The following GRM4 variants were observed in gnomAD, a reference collection of about 807,000 sequenced individuals.
GRM4 encodes the protein metabotropic glutamate receptor 4.
A neutral mutation model predicts 81.7 loss-of-function variants in GRM4; 28 were observed. The observed-to-expected ratio is 0.34, with a 90% CI of 0.25 to 0.47. The LOEUF (loss-of-function observed/expected upper bound fraction) is 0.47, where lower values mean the gene tolerates loss of function less well. Ranked by LOEUF, GRM4 falls within the 20% of genes least tolerant of loss-of-function variation. The probability of loss-of-function intolerance (pLI) is 1.00; values close to 1 mark genes in which losing one functional copy is unlikely to be tolerated. For missense variants in GRM4, 948 were observed against 1,290.0 expected (o/e 0.73, Z 4.06); for synonymous variants, 488 against 528.8 (o/e 0.92, Z 1.06).
At chr6:34,097,299 C>G (rs1413188202) in intron 2 of GRM4, among the ~76,000 whole-genome samples, 2 of 151,952 alleles carry the variant, frequency 1.3e-5, no homozygotes, top group African/African-American at 4.8e-5. Flanking sequence ...CCAAGGTGTT[C>G]CAGGCCCAGG....
chr6:34,035,857 C>T lies in GRM4; in HGVS notation c.2253G>A (p.Leu751=). Residue 751 remains leucine (L), a synonymous_variant, in exon 9 of 11, where the codon CTG becomes CTA. Coordinates refer to ENST00000538487, the MANE Select transcript of GRM4 (RefSeq NM_000841.4). The surrounding 1 kb of genome is among the most constrained non-coding windows in gnomAD (Gnocchi z 6.6). ...RGVLKCDISD[L]SLICLLGYSM... ...TGTAGCCCAGCAGGCAGATGAGCGACAGGTCCGAGATGTCACACTTGAGCA... is the reference window on the plus strand; with the variant it reads ...TGTAGCCCAGCAGGCAGATGAGCGATAGGTCCGAGATGTCACACTTGAGCA... The T allele has an allele frequency of 1.9e-6, 3 of 1,611,982 alleles. No individual in the cohort carries two copies. The highest frequency in any genetic ancestry group is 2.5e-6 in the Non-Finnish European group (3 of 1,178,212).
Position 34,035,947 on chromosome 6 carries a change from G to T in GRM4, c.2163C>A (p.Asp721Glu). Residue 721 changes from aspartate (D) to glutamate (E), a missense_variant, in exon 9 of 11, where the codon GAC becomes GAA. Physicochemically the swap from Asp to Glu is conservative, Grantham distance 45. Transcript: ENST00000538487. This position sits in a 1 kb window ranked among gnomAD's most constrained non-coding sequence, Gnocchi z 6.6. ...GGAAGTCCACCACCGAGTGGGAGGG[G>T]TCCACCACAAACCACACACAGATGC... ...LLGICVWFVVDPSHSVVDFQD... is the reference protein window; with the variant it reads ...LLGICVWFVVEPSHSVVDFQD... 6.2e-7 allele frequency: 1 copy of T among 1,612,680 alleles called. No homozygotes were observed. Among genetic ancestry groups the T allele is most frequent in the Non-Finnish European group, 8.5e-7 (1 of 1,178,826 alleles).
At chr6:34,030,550 T>C (rs1764362864) in intron 9 of GRM4, among the ~76,000 whole-genome samples, 1 of 152,074 alleles carries the variant, frequency 6.6e-6, no homozygotes, top group African/African-American at 2.4e-5. Flanking sequence ...GCTAACAAGT[T>C]TCCACCCCTC....
chr6:34,134,284 G>A (rs2499730), intron 1 of GRM4, among the ~76,000 whole-genome samples: 1 of 151,960 alleles, frequency 6.6e-6, no homozygotes, highest in Non-Finnish European at 1.5e-5. Context: ...GAGTCACGCA[G>A]GGAGTGTGCA....
chr6:34,067,466 TTCCC>T (rs1306440778), intron 3 of GRM4, among the ~76,000 whole-genome samples: 1 of 108,928 alleles, frequency 9.2e-6, no homozygotes, highest in Non-Finnish European at 1.8e-5. Context: ...CCCTCCGTCC[TTCCC>T]TCCCTCCCTC....
chr6:34,057,655 A>T (rs77418038), intron 5 of GRM4, among the ~76,000 whole-genome samples: 19 of 152,336 alleles, frequency 1.2e-4, no homozygotes, highest in African/African-American at 4.6e-4. Context: ...GGGGGGCAAA[A>T]TCGCCCCCAG....
intron 2 of GRM4, among the ~76,000 whole-genome samples, chr6:34,105,064 G>A (rs1043002134): frequency 2.0e-5 from 3 of 152,090 alleles, no homozygotes; most frequent in African/African-American, 4.8e-5. Context: ...TGCCCAGTGC[G>A]TTCTCGAGTC....
rs547785971 is a variant in GRM4 at position 34,068,241 on chromosome 6, G to A, written c.737-6213C>T. Among the ~76,000 whole-genome samples the A allele has an allele frequency of 6.6e-6, 1 of 152,330 alleles. No homozygotes were observed. The highest frequency in any genetic ancestry group is 6.5e-5 in the Admixed American group (1 of 15,310). On this transcript the variant is annotated intron_variant, in intron 3 of 10. Transcript: ENST00000538487. The surrounding 1 kb of genome is among the most constrained non-coding windows in gnomAD (Gnocchi z 4.2). ...GCTGGGCCACGCAGCTGGAGAGGCA[G>A]AGGCTGGATCTGAACTCGGGTCTGA...
At chr6:34,103,335 A>C (rs1180646065) in intron 2 of GRM4, among the ~76,000 whole-genome samples, 9 of 152,252 alleles carry the variant, frequency 5.9e-5, no homozygotes, top group South Asian at 2.1e-4. Context: ...ATGTTTTCTT[A>C]GGCACCCAGG....
In GRM4 at chr6:34,078,150, A is replaced by G. The variant is rs1178064660; in HGVS notation, c.736+13733T>C. On this transcript the variant is annotated intron_variant, in intron 3 of 10. Coordinates refer to ENST00000538487, the MANE Select transcript of GRM4 (RefSeq NM_000841.4). This position sits in a 1 kb window ranked among gnomAD's most constrained non-coding sequence, Gnocchi z 4.8. ...TGAAAGAATGAACAAATGAATGAAC[A>G]TGCTAGGTGGTTAATTAACTAACAT... 6.6e-6 allele frequency among the ~76,000 whole-genome samples: 1 copy of G among 152,148 alleles called. No individual in the cohort carries two copies. Among genetic ancestry groups the G allele is most frequent in the African/African-American group, 2.4e-5 (1 of 41,428 alleles).
rs199732816 is a variant in GRM4, at chr6:34,036,649, G to A, written c.1507-46C>T. On this transcript the variant is annotated intron_variant, in intron 8 of 10. Coordinates refer to ENST00000538487, the MANE Select transcript of GRM4 (RefSeq NM_000841.4). The surrounding 1 kb of genome is among the most constrained non-coding windows in gnomAD (Gnocchi z 9.0). The stretch of plus-strand genomic sequence containing the variant: ...AAGCAGGCCTCAGAACATGCCACCC[G>A]GTGCCCCGGACCATCCTACTGGGTG... 5.1e-5 allele frequency: 56 copies of A among 1,096,288 alleles called. No homozygotes were observed. Among genetic ancestry groups the A allele is most frequent in the African/African-American group, 1.4e-4 (9 of 64,962 alleles). 67.9% of individuals were successfully genotyped at this position (1,096,288 alleles called of 1,614,324 possible). A position where few individuals can be genotyped will look rare whatever the true frequency, so the allele number is the denominator to read the frequency against.
At chr6:34,065,220 C>T (rs1056724102) in intron 3 of GRM4, among the ~76,000 whole-genome samples, 6 of 152,110 alleles carry the variant, frequency 3.9e-5, no homozygotes, top group African/African-American at 1.4e-4. Flanking sequence ...TTCCAGGCCA[C>T]GCTGCTACAG....
intron 9 of GRM4, among the ~76,000 whole-genome samples, chr6:34,033,901 C>T (rs9368789): frequency 0.16 from 24,201 of 152,036 alleles, 2,076 homozygotes; most frequent in East Asian, 0.31. Flanking sequence ...CCATGCCTGG[C>T]TACGTTTTTG....
chr6:34,040,146 A>C (rs746596222), intron 8 of GRM4, 32 bp downstream of exon 8: 2 of 1,605,210 alleles, frequency 1.2e-6, no homozygotes, highest in South Asian at 1.1e-5. Context: ...TGCGTGAGTC[A>C]CTCTCCACCC....
intron 9 of GRM4, 67 bp from the exon 10 acceptor site, chr6:34,028,433 T>TCCCACCCAGGGA: frequency 1.3e-6 from 2 of 1,540,668 alleles, no homozygotes; most frequent in Admixed American, 3.7e-5. Flanking sequence ...TCCCGCCAGT[T>TCCCACCCAGGGA]CCCACCCAGG....
Position 34,064,443 on chromosome 6 carries a change from C to T in GRM4, c.737-2415G>A, listed in dbSNP as rs575199220. ...TTGAACTTGGGCCATCTGGCTCCAG[C>T]GGCCACCTTTCATCCAGTCATGTAG... On this transcript the variant is annotated intron_variant, in intron 3 of 10. Coordinates refer to ENST00000538487, the MANE Select transcript of GRM4 (RefSeq NM_000841.4). The surrounding 1 kb of genome is among the most constrained non-coding windows in gnomAD (Gnocchi z 4.4). Among the ~76,000 whole-genome samples, 213 of 152,308 alleles carry T rather than the reference C, an allele frequency of 1.4e-3. 1 individual carries two copies. The highest frequency in any genetic ancestry group is 4.9e-3 in the African/African-American group (202 of 41,552).
At chr6:34,101,596 T>C (rs1037325449) in intron 2 of GRM4, among the ~76,000 whole-genome samples, 2 of 152,240 alleles carry the variant, frequency 1.3e-5, no homozygotes, top group African/African-American at 4.8e-5. Context: ...GGGCAGCAGC[T>C]GGGAGACCAG....
intron 9 of GRM4, among the ~76,000 whole-genome samples, chr6:34,031,346 C>G (rs1056560163): frequency 6.6e-6 from 1 of 152,174 alleles, no homozygotes; most frequent in African/African-American, 2.4e-5. Context: ...CATGTGCTCC[C>G]CATGGTGAAG....
Position 34,080,783 on chromosome 6 carries a change from C to T in GRM4, c.736+11100G>A, listed in dbSNP as rs575498403. Reference sequence around the variant, plus strand: ...CATACTTGGTCACGCAGGAGTCACACGTGACTTGAGGGATCCTGATCCACT... The same window carrying T: ...CATACTTGGTCACGCAGGAGTCACATGTGACTTGAGGGATCCTGATCCACT... On this transcript the variant is annotated intron_variant, in intron 3 of 10. Coordinates refer to ENST00000538487, the MANE Select transcript of GRM4 (RefSeq NM_000841.4). This position sits in a 1 kb window ranked among gnomAD's most constrained non-coding sequence, Gnocchi z 5.4. Among the ~76,000 whole-genome samples, 54 of 152,130 alleles carry T rather than the reference C, an allele frequency of 3.5e-4. No homozygotes were observed. Among genetic ancestry groups the T allele is most frequent in the African/African-American group, 1.1e-3 (46 of 41,518 alleles).
Sources: allele counts gnomAD v4.1 joint callset (sites outside exome capture counted in the v4.1 genomes callset), GRCh38; gene constraint gnomAD v4.1.1; non-coding constraint Gnocchi (gnomAD v3.1); transcripts MANE v1.5; gene names NCBI Gene and HGNC (gene_info 2026-07-23, HGNC 2026-07-21).